The following COG1 variants were observed in gnomAD, a reference collection of about 807,000 sequenced individuals.
COG1 encodes the protein conserved oligomeric Golgi complex subunit 1.
COG1 carries 61 observed loss-of-function variants against 102.2 expected under a neutral mutation model. That is an observed-to-expected ratio of 0.60 (90% CI 0.49 to 0.74). The LOEUF is 0.74. COG1 is among the 30% of genes least tolerant of loss of function. COG1 has a pLI of 0.00. For synonymous variants in COG1, 454 were observed against 493.6 expected, an observed-to-expected ratio of 0.92 and a Z score of 1.06; for missense variants, 1,164 against 1,232.1, an observed-to-expected ratio of 0.94 and a Z score of 0.83.
At chr17:73,208,254 G>T in intron 13 of COG1, 60 bp from the exon 14 acceptor site, 2 of 1,610,266 alleles carry the variant, frequency 1.2e-6, no homozygotes, top group Middle Eastern at 4.5e-4. Flanking sequence ...CGCGCGGAGG[G>T]CGAGTGGGCA....
Position 73,206,103 on chromosome 17 carries a change from G to A in COG1, c.2511-51G>A, listed in dbSNP as rs752322309. ...TACAGCAGTAGGATATCATAAGATT[G>A]TTTTTGATCCTAAAAAATGTGGACA... is the stretch of plus-strand genomic sequence containing the variant. On this transcript the variant is annotated intron_variant, in intron 10 of 13. Coordinates refer to ENST00000299886, the MANE Select transcript of COG1 (RefSeq NM_018714.3). 25 of 1,399,626 alleles carry A rather than the reference G, an allele frequency of 1.8e-5. No individual in the cohort carries two copies. In the South Asian group the frequency reaches 2.8e-4, roughly 16 times the overall value. The allele number at this position is 1,399,626 out of a possible 1,614,324, so 86.7% of individuals were successfully genotyped here.
At chr17:73,207,086 C>CTT (rs1349458960) in intron 12 of COG1, 95 bp from the exon 13 acceptor site, 60 of 859,750 alleles carry the variant, frequency 7.0e-5, no homozygotes, top group Non-Finnish European at 9.9e-5. Flanking sequence ...GAACGAGACT[C>CTT]TGTCTCAAAA....
chr17:73,207,902 T>C (rs1390780586), intron 13 of COG1: 2 of 1,183,404 alleles, frequency 1.7e-6, no homozygotes, highest in Admixed American at 4.0e-5. Flanking sequence ...CCTTGTCAAG[T>C]ATCTGGCTTT....
At chr17:73,202,028 T>G in intron 7 of COG1, 128 bp downstream of exon 7, 4 of 1,059,194 alleles carry the variant, frequency 3.8e-6, no homozygotes, top group South Asian at 1.4e-5. Context: ...ACTTTATCTC[T>G]GCCAGAAAGT....
At position 73,206,556 on chromosome 17, in the gene COG1, A is replaced by G. The variant is rs1285571699; in HGVS notation, c.2620-152A>G. On this transcript the variant is annotated intron_variant, in intron 11 of 13. Coordinates refer to ENST00000299886, the MANE Select transcript of COG1 (RefSeq NM_018714.3). ...CAGATTCTGACCTGTGGGCAGTGAT[A>G]AAAAGTAATCGTGAAGCATAAATGC... 5.1e-5 allele frequency: 36 copies of G among 710,838 alleles called. No individual in the cohort carries two copies. The Middle Eastern group carries it at 1.8e-3, about 36-fold the overall frequency. 44.0% of individuals were successfully genotyped at this position (710,838 alleles called of 1,614,324 possible).
chr17:73,193,964 C>A (rs1345259942), intron 1 of COG1, among the ~76,000 whole-genome samples: 1 of 152,076 alleles, frequency 6.6e-6, no homozygotes, highest in Non-Finnish European at 1.5e-5. Flanking sequence ...CATGAGCCAC[C>A]ACAGCCGGCC....
chr17:73,207,973 T>A, intron 13 of COG1: 1 of 1,244,832 alleles, frequency 8.0e-7, no homozygotes, highest in Non-Finnish European at 1.0e-6. Flanking sequence ...ATCCAGTCCC[T>A]AAGCATGGGC....
intron 7 of COG1, among the ~76,000 whole-genome samples, chr17:73,202,562 T>C (rs902243745): frequency 6.6e-6 from 1 of 152,094 alleles, no homozygotes; most frequent in Non-Finnish European, 1.5e-5. Flanking sequence ...CTGAGATGGT[T>C]GGATTGTGTG....
intron 13 of COG1, chr17:73,207,526 T>C: frequency 1.7e-6 from 1 of 595,852 alleles, no homozygotes; most frequent in Non-Finnish European, 2.9e-6. Context: ...CTCTTGAATT[T>C]AGTAGGGTGA....
At position 73,208,354 on chromosome 17, in the gene COG1, T is replaced by G; in HGVS notation, c.2846T>G (p.Val949Gly). 6.2e-7 allele frequency: 1 copy of G among 1,614,186 alleles called. No individual in the cohort carries two copies. The highest frequency in any genetic ancestry group is 8.5e-7 in the Non-Finnish European group (1 of 1,180,000). The change falls in exon 14 of 14, where the codon GTT (valine) becomes GGT (glycine). Residue 949 changes from valine to glycine, a missense_variant. By Grantham distance (109) the Val-to-Gly change is moderately radical. Coordinates refer to ENST00000299886, the MANE Select transcript of COG1 (RefSeq NM_018714.3). ...PARSTAGDPTVPGSLFRQLVS... is the reference protein window; with the variant it reads ...PARSTAGDPTGPGSLFRQLVS... ...CGCTCCACAGCTGGTGACCCGACAG[T>G]TCCTGGCTCCTTGTTCAGACAGCTT...
intron 7 of COG1, among the ~76,000 whole-genome samples, chr17:73,202,588 G>C (rs1273116433): frequency 3.9e-5 from 6 of 152,012 alleles, no homozygotes; most frequent in African/African-American, 1.2e-4. Context: ...AGGAATTCAA[G>C]ACCAGCCTGG....
intron 8 of COG1, 188 bp from the exon 9 acceptor site, chr17:73,203,444 G>A: frequency 2.6e-6 from 2 of 758,954 alleles, no homozygotes; most frequent in Non-Finnish European, 4.4e-6. Context: ...TCAGACCGTG[G>A]AGGCAGTAAC....
intron 6 of COG1, 151 bp downstream of exon 6, chr17:73,200,927 T>C: frequency 1.1e-6 from 1 of 922,418 alleles, no homozygotes; most frequent in Non-Finnish European, 1.7e-6. Flanking sequence ...ACCAGGCCTC[T>C]GTCACTTGAT....
chr17:73,202,604 A>G (rs145449322), intron 7 of COG1, among the ~76,000 whole-genome samples: 37 of 152,252 alleles, frequency 2.4e-4, no homozygotes, highest in African/African-American at 8.7e-4. Context: ...CCTGGGCAAC[A>G]TGATGAAACC....
chr17:73,205,860 G>A lies in COG1; in HGVS notation c.2510+180G>A, dbSNP rs191712114. The stretch of plus-strand genomic sequence containing the variant: ...GGCCGCCTGCTGGATAAATGCAATG[G>A]TCAAGTGAAATAGGTGGACTCTTAT... On this transcript the variant is annotated intron_variant, in intron 10 of 13. Transcript: ENST00000299886. The A allele has an allele frequency of 1.7e-3, 1,348 of 813,256 alleles. 7 individuals are homozygous for A. Among genetic ancestry groups the A allele is most frequent in the South Asian group, 3.7e-3 (250 of 67,860 alleles). 50.4% of individuals were successfully genotyped at this position (813,256 alleles called of 1,614,324 possible).
intron 13 of COG1, chr17:73,207,609 G>GT: frequency 9.8e-7 from 1 of 1,021,312 alleles, no homozygotes; most frequent in Non-Finnish European, 1.4e-6. Flanking sequence ...GGTGATGATG[G>GT]TTTTATCTTC....
intron 9 of COG1, among the ~76,000 whole-genome samples, 174 bp downstream of exon 9, chr17:73,203,967 G>A (rs1262739202): frequency 6.6e-6 from 1 of 152,176 alleles, no homozygotes; most frequent in Non-Finnish European, 1.5e-5. Context: ...AGCGCTGTGA[G>A]TTTACTTACA....
chr17:73,202,161 C>G (rs2061349773), intron 7 of COG1, among the ~76,000 whole-genome samples: 1 of 151,632 alleles, frequency 6.6e-6, no homozygotes, highest in African/African-American at 2.4e-5. Flanking sequence ...CATGGTGAAA[C>G]CCCGTCTCTA....
chr17:73,206,017 C>T, intron 10 of COG1, 137 bp from the exon 11 acceptor site: 1 of 766,762 alleles, frequency 1.3e-6, no homozygotes, highest in Non-Finnish European at 2.3e-6. Context: ...TAAGCACTAT[C>T]ATCAGTGACA....
Sources: gnomAD v4.1 joint callset for allele counts (sites outside exome capture counted in the v4.1 genomes callset) on GRCh38, gnomAD v4.1.1 for gene constraint, MANE v1.5 for transcripts, NCBI Gene and HGNC (gene_info 2026-07-23, HGNC 2026-07-21) for gene names.